Variants in NRXN1 observed in about 807,000 individuals in gnomAD.
NRXN1 encodes the protein neurexin 1.
NRXN1 carries 39 observed loss-of-function variants against 150.9 expected under a neutral mutation model. That is an observed-to-expected ratio of 0.26 (90% CI 0.20 to 0.34). The LOEUF is 0.34. Ranked by LOEUF, NRXN1 falls within the 10% of genes least tolerant of loss-of-function variation. The pLI is 1.00. For synonymous variants in NRXN1, 924 were observed against 757.0 expected, an observed-to-expected ratio of 1.22 and a Z score of -3.62; for missense variants, 1,815 against 1,949.9, an observed-to-expected ratio of 0.93 and a Z score of 1.30.
chr2:50,910,265 C>A (rs915593687), intron 5 of NRXN1, among the ~76,000 whole-genome samples: 1 of 151,978 alleles, frequency 6.6e-6, no homozygotes, highest in African/African-American at 2.4e-5. Context: ...TTATTTGACT[C>A]ATCATTAGAC....
chr2:50,017,151 T>A (rs1193032488), intron 21 of NRXN1, among the ~76,000 whole-genome samples: 1 of 152,156 alleles, frequency 6.6e-6, no homozygotes, highest in Non-Finnish European at 1.5e-5. Flanking sequence ...TGTACAATAA[T>A]CCTTCCCTGC....
At chr2:50,645,175 ATG>A (rs1684646777) in intron 5 of NRXN1, among the ~76,000 whole-genome samples, 1 of 151,942 alleles carries the variant, frequency 6.6e-6, no homozygotes, top group African/African-American at 2.4e-5. Context: ...GTGCGACTGG[ATG>A]CAGAAAAGTT....
intron 5 of NRXN1, among the ~76,000 whole-genome samples, chr2:50,656,004 A>G (rs1686401456): frequency 6.6e-6 from 1 of 152,018 alleles, no homozygotes; most frequent in South Asian, 2.1e-4. Flanking sequence ...AGGCTTCAGA[A>G]AGCTTAGGTA....
At chr2:50,597,051 C>T (rs1001804782) in intron 8 of NRXN1, among the ~76,000 whole-genome samples, 1 of 151,886 alleles carries the variant, frequency 6.6e-6, no homozygotes, top group Admixed American at 6.6e-5. Context: ...TGGGGTTTCA[C>T]CAGGCTGATC....
intron 8 of NRXN1, among the ~76,000 whole-genome samples, chr2:50,561,723 C>T (rs1669107643): frequency 6.6e-6 from 1 of 152,156 alleles, no homozygotes. Context: ...ATGTTAGCTT[C>T]ATAATAAGTT....
At chr2:51,024,114 C>A (rs1670054045) in intron 2 of NRXN1, among the ~76,000 whole-genome samples, 2 of 152,156 alleles carry the variant, frequency 1.3e-5, no homozygotes, top group South Asian at 4.1e-4. Flanking sequence ...TTCACTAATT[C>A]TTTCAAGTTG....
chr2:51,011,963 G>C (rs1438718958), intron 2 of NRXN1, among the ~76,000 whole-genome samples: 2 of 152,056 alleles, frequency 1.3e-5, no homozygotes, highest in Non-Finnish European at 2.9e-5. Context: ...CTTGGTCACA[G>C]AAAGCATGTG....
Position 50,497,535 on chromosome 2 carries a change from G to C in NRXN1, c.2677C>G (p.Leu893Val). Residue 893 changes from leucine to valine, a missense_variant, in exon 14 of 23, where the codon CTT (leucine) becomes GTT (valine). Physicochemically the swap from Leu to Val is conservative, Grantham distance 32 (BLOSUM62 1). Coordinates refer to ENST00000401669, the MANE Select transcript of NRXN1 (RefSeq NM_001330078.2). ...CKNGDIDYCE[L>V]NARFGFRNII... ...TTCCTGAAGCCAAATCTGGCATTAAGCTCACAGTAATCTATGTCGCCATTT... is the reference window on the plus strand; with the variant it reads ...TTCCTGAAGCCAAATCTGGCATTAACCTCACAGTAATCTATGTCGCCATTT... The C allele has an allele frequency of 6.2e-7, 1 of 1,613,900 alleles. No individual in the cohort carries two copies. Among genetic ancestry groups the C allele is most frequent in the Non-Finnish European group, 8.5e-7 (1 of 1,179,848 alleles).
intron 2 of NRXN1, among the ~76,000 whole-genome samples, chr2:50,958,051 C>G (rs985252884): frequency 1.3e-4 from 20 of 152,116 alleles, no homozygotes; most frequent in African/African-American, 4.6e-4. Flanking sequence ...TCAGAATCCT[C>G]TGTTTATTTG....
chr2:50,145,141 T>C (rs1466877296), intron 18 of NRXN1, among the ~76,000 whole-genome samples: 1 of 151,888 alleles, frequency 6.6e-6, no homozygotes, highest in East Asian at 1.9e-4. Flanking sequence ...TTTAGATCTA[T>C]GATTTTTAAA....
chr2:50,723,327 C>T (rs766952929), intron 5 of NRXN1, among the ~76,000 whole-genome samples: 1 of 152,156 alleles, frequency 6.6e-6, no homozygotes, highest in African/African-American at 2.4e-5. Flanking sequence ...TGTGTCTTGT[C>T]GGTTTTGAAG....
chr2:50,912,872 T>C (rs1250473829), intron 5 of NRXN1: 1 of 149,810 alleles, frequency 6.7e-6, no homozygotes, highest in Non-Finnish European at 1.5e-5. Flanking sequence ...AACCAAAGAG[T>C]CCTCACATTC....
At chr2:50,208,764 G>A (rs780261557) in intron 18 of NRXN1, among the ~76,000 whole-genome samples, 3 of 152,016 alleles carry the variant, frequency 2.0e-5, no homozygotes, top group Non-Finnish European at 2.9e-5. Flanking sequence ...AAAATAACAC[G>A]AGTCCTTTAA....
intron 17 of NRXN1, among the ~76,000 whole-genome samples, chr2:50,330,946 C>G (rs1421972997): frequency 6.6e-6 from 1 of 152,134 alleles, no homozygotes; most frequent in African/African-American, 2.4e-5. Context: ...GAAGTAGTTA[C>G]TTGCTAAAAT....
At chr2:50,291,151 T>C (rs1574952205) in intron 17 of NRXN1, among the ~76,000 whole-genome samples, 2 of 141,416 alleles carry the variant, frequency 1.4e-5, no homozygotes, top group Admixed American at 7.0e-5. Context: ...AAAAAAAGGC[T>C]CTGAATTAAG....
chr2:50,993,723 C>G (rs1698879183), intron 2 of NRXN1, among the ~76,000 whole-genome samples: 1 of 151,820 alleles, frequency 6.6e-6, no homozygotes, highest in South Asian at 2.1e-4. Flanking sequence ...ATATAGCAGG[C>G]CATGTTGCTA....
chr2:50,554,430 T>G (rs1163348463), intron 8 of NRXN1: 1 of 152,092 alleles, frequency 6.6e-6, no homozygotes, highest in African/African-American at 2.4e-5. Context: ...ACTTCCTGAG[T>G]TCAAATTCTG....
chr2:50,139,744 G>A (rs569602016), intron 18 of NRXN1, among the ~76,000 whole-genome samples: 14 of 152,146 alleles, frequency 9.2e-5, no homozygotes, highest in African/African-American at 2.6e-4. Context: ...CTTCTTACTC[G>A]ACTAGTCACA....
chr2:50,170,360 A>G (rs993544729), intron 18 of NRXN1, among the ~76,000 whole-genome samples: 4 of 152,050 alleles, frequency 2.6e-5, no homozygotes, highest in African/African-American at 7.2e-5. Context: ...CAGTGGCACG[A>G]TCTCAGCTCA....
Sources: allele counts gnomAD v4.1 joint callset (sites outside exome capture counted in the v4.1 genomes callset), GRCh38; gene constraint gnomAD v4.1.1; transcripts MANE v1.5; gene names NCBI Gene and HGNC (gene_info 2026-07-23, HGNC 2026-07-21).